The following GLIPR1L2 variants were observed in gnomAD, a reference collection of about 807,000 sequenced individuals.
GLIPR1L2 encodes GLIPR1-like protein 2.
Under a neutral mutation model 28.4 loss-of-function variants are expected in GLIPR1L2, and 21 were observed. The ratio of observed to expected loss-of-function variants is 0.74; its 90% CI spans 0.52 to 1.06. GLIPR1L2 has a LOEUF of 1.06. Among genes scored for constraint, GLIPR1L2 ranks in the 50% least tolerant of loss-of-function variants. The pLI is 0.00. For missense variants in GLIPR1L2, 476 were observed against 416.9 expected (o/e 1.14, Z -1.23); for synonymous variants, 145 against 139.3 (o/e 1.04, Z -0.29).
chr12:75,391,151 G>C lies in GLIPR1L2; in HGVS notation c.35G>C (p.Arg12Thr). The C allele has an allele frequency of 1.9e-6, 3 of 1,614,054 alleles. No individual in the cohort carries two copies. Among genetic ancestry groups the C allele is most frequent in the South Asian group, 1.1e-5 (1 of 91,076 alleles). The change falls in exon 1 of 6, where the codon AGG becomes ACG. Residue 12 changes from arginine (R) to threonine (T), a missense_variant. By Grantham distance (71) the Arg-to-Thr change is moderately conservative. Coordinates refer to ENST00000550916, the MANE Select transcript of GLIPR1L2 (RefSeq NM_001270396.2). ...EAARPFAREW[R>T]AQSLPLAVGG... The stretch of plus-strand genomic sequence containing the variant: ...GCAAGGCCCTTCGCCCGGGAGTGGA[G>C]GGCCCAGTCCCTACCCCTGGCAGTA...
intron 3 of GLIPR1L2, among the ~76,000 whole-genome samples, chr12:75,420,706 A>G (rs549427417): frequency 3.3e-5 from 5 of 152,290 alleles, no homozygotes; most frequent in South Asian, 2.1e-4. Flanking sequence ...AATAATTCCA[A>G]TTGAAGTTGG....
At chr12:75,396,568 G>T (rs1305823014) in intron 1 of GLIPR1L2, among the ~76,000 whole-genome samples, 1 of 152,072 alleles carries the variant, frequency 6.6e-6, no homozygotes, top group Non-Finnish European at 1.5e-5. Flanking sequence ...GAATGATATT[G>T]TTCTCTCTCA....
At chr12:75,412,908 T>C (rs1244190080) in intron 2 of GLIPR1L2, among the ~76,000 whole-genome samples, 2 of 151,906 alleles carry the variant, frequency 1.3e-5, no homozygotes, top group Admixed American at 6.6e-5. Flanking sequence ...ATGTTTATTG[T>C]GGCACTATTC....
chr12:75,421,436 A>C (rs892290767), intron 3 of GLIPR1L2, among the ~76,000 whole-genome samples: 3 of 152,224 alleles, frequency 2.0e-5, no homozygotes, highest in African/African-American at 7.2e-5. Context: ...TGTGATACTC[A>C]GGTTTTTGAA....
At position 75,431,269 on chromosome 12, in the gene GLIPR1L2, A is replaced by C; in HGVS notation, c.*108A>C. ...AAAACACTGAGTTTTAACAAGAAAG[A>C]AAATATGCAAACCACCATTGGAATG... On this transcript the variant is annotated 3_prime_UTR_variant, in exon 6 of 6. Coordinates refer to ENST00000550916, the MANE Select transcript of GLIPR1L2 (RefSeq NM_001270396.2). 1 of 587,278 alleles carries C rather than the reference A, an allele frequency of 1.7e-6. No homozygotes were observed. The allele number at this position is 587,278 out of a possible 1,614,324, so 36.4% of individuals were successfully genotyped here. A position where few individuals can be genotyped will look rare whatever the true frequency, so the allele number is the denominator to read the frequency against.
chr12:75,429,354 C>A (rs529216606), intron 4 of GLIPR1L2, among the ~76,000 whole-genome samples: 3 of 152,200 alleles, frequency 2.0e-5, no homozygotes, highest in Admixed American at 2.0e-4. Context: ...CCTGTAGCCC[C>A]TTTGTTTTGG....
intron 4 of GLIPR1L2, among the ~76,000 whole-genome samples, chr12:75,424,701 C>T (rs560922662): frequency 6.6e-6 from 1 of 152,138 alleles, no homozygotes; most frequent in East Asian, 1.9e-4. Context: ...TCTCCTACCT[C>T]AGCCTCCCAA....
At chr12:75,401,189 A>G (rs1458122556) in intron 1 of GLIPR1L2, among the ~76,000 whole-genome samples, 2 of 151,764 alleles carry the variant, frequency 1.3e-5, no homozygotes, top group Non-Finnish European at 2.9e-5. Context: ...TTTAAAATAA[A>G]CTAAATATGT....
At position 75,410,491 on chromosome 12, in the gene GLIPR1L2, A is replaced by G; in HGVS notation, c.292A>G (p.Thr98Ala). Residue 98 changes from threonine (T) to alanine (A), a missense_variant, in exon 2 of 6, where the codon ACG (threonine) becomes GCG (alanine). Thr to Ala is a moderately conservative substitution (Grantham distance 58). Coordinates refer to ENST00000550916, the MANE Select transcript of GLIPR1L2 (RefSeq NM_001270396.2). ...ARAWGKKCLF[T>A]HNIYLQDVQM... ...AGCATGGGGAAAAAAATGTTTGTTT[A>G]CGCATAATATTTATTTACAAGATGT... 8 of 1,610,662 alleles carry G rather than the reference A, an allele frequency of 5.0e-6. No individual in the cohort carries two copies. Among genetic ancestry groups the G allele is most frequent in the Non-Finnish European group, 5.9e-6 (7 of 1,177,952 alleles).
chr12:75,423,111 T>C (rs1188574681), intron 4 of GLIPR1L2, 122 bp downstream of exon 4: 1 of 1,569,658 alleles, frequency 6.4e-7, no homozygotes, highest in Admixed American at 2.0e-5. Context: ...ATGCTACTAT[T>C]ATGTTATCAA....
intron 4 of GLIPR1L2, among the ~76,000 whole-genome samples, chr12:75,429,040 G>A (rs1232558772): frequency 6.6e-6 from 1 of 152,182 alleles, no homozygotes; most frequent in South Asian, 2.1e-4. Context: ...GTGGAGTGGG[G>A]GCCACCACAC....
chr12:75,398,251 C>A lies in GLIPR1L2; in HGVS notation c.234+6901C>A, dbSNP rs546125052. Among the ~76,000 whole-genome samples the A allele has an allele frequency of 1.5e-4, 21 of 143,516 alleles. No homozygotes were observed. In the East Asian group the frequency reaches 3.3e-3, roughly 23 times the overall value. The allele number at this position is 143,516 out of a possible 152,430, so 94.2% of individuals were successfully genotyped here. On this transcript the variant is annotated intron_variant, in intron 1 of 5. Transcript: ENST00000550916. ...GGCTGAGGCAGGAGAATCGCTTGAA[C>A]CCGGGAAGCAGAGGTTGCAGTGAGC...
intron 1 of GLIPR1L2, among the ~76,000 whole-genome samples, chr12:75,404,067 G>C (rs1249625368): frequency 6.6e-6 from 1 of 152,088 alleles, no homozygotes; most frequent in Non-Finnish European, 1.5e-5. Context: ...ATATTGAGTA[G>C]ATCACCTTAA....
intron 1 of GLIPR1L2, among the ~76,000 whole-genome samples, chr12:75,409,652 T>C (rs1006869013): frequency 5.4e-5 from 8 of 146,960 alleles, no homozygotes; most frequent in Admixed American, 4.8e-4. Flanking sequence ...ATCTTATATA[T>C]ATAATATATA....
In GLIPR1L2 at chr12:75,431,014, AG is replaced by A; in HGVS notation, c.891del (p.Asn298MetfsTer20). On this transcript the variant is annotated frameshift_variant, in exon 6 of 6. Coordinates refer to ENST00000550916, the MANE Select transcript of GLIPR1L2 (RefSeq NM_001270396.2). LOFTEE classifies it low-confidence loss of function (END_TRUNC). ...TATTTACCCCTGAGGAATCTGAAGC[AG>A]GGAATGAAGAGGAGGAAAAAGAGGA... ...MIFTPEESEA[G>X]NEEEEKEEEK... 6.5e-7 allele frequency: 1 copy of A among 1,534,004 alleles called. No homozygotes were observed. Among genetic ancestry groups the A allele is most frequent in the South Asian group, 1.2e-5 (1 of 84,020 alleles).
intron 1 of GLIPR1L2, chr12:75,403,237 CT>C (rs1171901309): frequency 2.5e-6 from 1 of 402,380 alleles, no homozygotes; most frequent in African/African-American, 2.1e-5. Flanking sequence ...TCTGTAAACT[CT>C]CTGAAGCTGG....
At chr12:75,429,000 A>C (rs896425620) in intron 4 of GLIPR1L2, among the ~76,000 whole-genome samples, 2 of 152,074 alleles carry the variant, frequency 1.3e-5, no homozygotes, top group African/African-American at 4.8e-5. Context: ...CTCATGGAGA[A>C]CCTCTACTAG....
intron 1 of GLIPR1L2, among the ~76,000 whole-genome samples, chr12:75,402,591 G>T (rs1189211989): frequency 6.6e-6 from 1 of 152,052 alleles, no homozygotes; most frequent in Non-Finnish European, 1.5e-5. Flanking sequence ...ACTTAAATTT[G>T]TTCAGTTTCC....
intron 1 of GLIPR1L2, among the ~76,000 whole-genome samples, chr12:75,397,637 ATTTG>A (rs1240375253): frequency 3.9e-5 from 6 of 152,092 alleles, no homozygotes. Context: ...GATATTTAAA[ATTTG>A]TTTGGGTATT....
Sources: allele counts gnomAD v4.1 joint callset (sites outside exome capture counted in the v4.1 genomes callset), GRCh38; gene constraint gnomAD v4.1.1; transcripts MANE v1.5; gene names NCBI Gene and HGNC (gene_info 2026-07-23, HGNC 2026-07-21).